The following CDCA5 variants were observed in gnomAD, a reference collection of about 807,000 sequenced individuals.
The protein encoded by CDCA5 is sororin.
In CDCA5, 14 loss-of-function variants were observed where a neutral mutation model predicts 25.7. The ratio of observed to expected loss-of-function variants is 0.54; its 90% CI spans 0.36 to 0.85. The LOEUF (loss-of-function observed/expected upper bound fraction) is 0.85. Ranked by LOEUF, CDCA5 falls within the 40% of genes least tolerant of loss-of-function variation. The pLI is 0.01. For synonymous variants in CDCA5, 127 were observed against 128.7 expected, an observed-to-expected ratio of 0.99 and a Z score of 0.09; for missense variants, 307 against 324.5, an observed-to-expected ratio of 0.95 and a Z score of 0.41.
downstream of CDCA5, among the ~76,000 whole-genome samples, chr11:65,073,727 G>A (rs995174136): frequency 6.6e-6 from 1 of 152,214 alleles, no homozygotes; most frequent in African/African-American, 2.4e-5. Flanking sequence ...GCAAAAAGGA[G>A]TTTATTGGGA....
chr11:65,079,007 A>G lies in CDCA5; in HGVS notation c.*100T>C. ...CGCAGCACCAGCACACACACAGGTA[A>G]CAAGACCAGGGGAGGGGACCCTAAG... On this transcript the variant is annotated 3_prime_UTR_variant, in exon 6 of 6. Transcript: ENST00000275517. 7.3e-7 allele frequency: 1 copy of G among 1,368,536 alleles called. No individual in the cohort carries two copies. The highest frequency in any genetic ancestry group is 9.4e-7 in the Non-Finnish European group (1 of 1,062,216). 84.8% of individuals were successfully genotyped at this position (1,368,536 alleles called of 1,614,324 possible).
At position 65,071,272 on chromosome 11, in the gene CDCA5, T is replaced by C. The variant is rs924681749; in HGVS notation, c.64-2671A>G. On this transcript the variant is annotated intron_variant, in intron 1 of 6. Coordinates refer to the CDCA5 transcript ENST00000525464. ...TTTGGATTTTCAACCCACATATGCA[T>C]ACCCCATATGTGGCATGGAACATAC... Among the ~76,000 whole-genome samples, 4 of 151,940 alleles carry C rather than the reference T, an allele frequency of 2.6e-5. No homozygotes were observed. In the East Asian group the frequency reaches 5.8e-4, roughly 22 times the overall value.
At chr11:65,072,995 G>A (rs1218069587), downstream of CDCA5, among the ~76,000 whole-genome samples, 1 of 143,104 alleles carries the variant, frequency 7.0e-6, no homozygotes, top group Non-Finnish European at 1.5e-5. Flanking sequence ...CCAGGCTGGA[G>A]TGAAGTGGCA....
rs1947527722 is a variant in CDCA5, at chr11:65,079,791, C to T, written c.244-4G>A. ...CTTTCTCCAAGAAAAAGGAAATCTG[C>T]ACCAGGACAGAAGAGGGGATGCCCT... On this transcript the variant is annotated splice_region_variant and splice_polypyrimidine_tract_variant and intron_variant, in intron 4 of 5. Coordinates refer to ENST00000275517, the MANE Select transcript of CDCA5 (RefSeq NM_080668.4). 2 of 1,464,056 alleles carry T rather than the reference C, an allele frequency of 1.4e-6. No homozygotes were observed. Among genetic ancestry groups the T allele is most frequent in the Non-Finnish European group, 1.8e-6 (2 of 1,106,136 alleles). The allele number at this position is 1,464,056 out of a possible 1,614,324, so 90.7% of individuals were successfully genotyped here. A position where few individuals can be genotyped will look rare whatever the true frequency, so the allele number is the denominator to read the frequency against.
chr11:65,073,815 C>G (rs1947387607), downstream of CDCA5, among the ~76,000 whole-genome samples: 1 of 152,212 alleles, frequency 6.6e-6, no homozygotes, highest in South Asian at 2.1e-4. Flanking sequence ...ACTGCCAGAA[C>G]TAGGACAGGG....
At chr11:65,070,136 G>A (rs1430679217) in intron 1 of CDCA5, among the ~76,000 whole-genome samples, 2 of 152,240 alleles carry the variant, frequency 1.3e-5, no homozygotes, top group South Asian at 2.1e-4. Flanking sequence ...CCAAGACAGG[G>A]CCTGGGCTGT....
At chr11:65,079,914 G>A (rs1358585073) in intron 4 of CDCA5, 127 bp from the exon 5 acceptor site, 14 of 640,872 alleles carry the variant, frequency 2.2e-5, no homozygotes, top group Admixed American at 3.8e-5. Flanking sequence ...TTTTTGAGAC[G>A]GAGTCTTGCT....
chr11:65,072,302 C>T (rs1397064481), intron 1 of CDCA5, among the ~76,000 whole-genome samples: 2 of 152,176 alleles, frequency 1.3e-5, no homozygotes, highest in African/African-American at 4.8e-5. Context: ...CTGGTCTAGG[C>T]CCATGTGTTG....
In CDCA5 at chr11:65,067,521, C is replaced by T. The variant is rs1193321402; in HGVS notation, c.368+134G>A. 2.4e-5 allele frequency: 10 copies of T among 415,610 alleles called. No homozygotes were observed. The Admixed American group carries it at 2.8e-4, about 12-fold the overall frequency. The allele number at this position is 415,610 out of a possible 1,614,324, so 25.7% of individuals were successfully genotyped here. On this transcript the variant is annotated intron_variant, in intron 4 of 6. Coordinates refer to the CDCA5 transcript ENST00000525464. ...CCCCAGACTGAACGCTCCTCAAGTT[C>T]TTGGACAATTAAAGGTGGGGGTTCC... is the stretch of plus-strand genomic sequence containing the variant.
chr11:65,071,259 A>G (rs957404621), intron 1 of CDCA5, among the ~76,000 whole-genome samples: 3 of 150,490 alleles, frequency 2.0e-5, no homozygotes, highest in Non-Finnish European at 4.4e-5. Context: ...TGGATTTTCA[A>G]CCCACATATG....
downstream of CDCA5, among the ~76,000 whole-genome samples, chr11:65,075,736 TTC>T (rs1947432108): frequency 6.6e-6 from 1 of 152,182 alleles, no homozygotes; most frequent in East Asian, 1.9e-4. Flanking sequence ...CAGTTCTAGA[TTC>T]TGATTTGTAG....
Position 65,084,028 on chromosome 11 carries a change from G to A in CDCA5, c.-50C>T. 2 of 1,578,802 alleles carry A rather than the reference G, an allele frequency of 1.3e-6. No individual in the cohort carries two copies. The highest frequency in any genetic ancestry group is 8.6e-7 in the Non-Finnish European group (1 of 1,163,846). ...TCCAGCGCCGCCGCCCCGGGCGCGC[G>A]CCAACCGGGAAGGCCACTCGCTGCA... is the stretch of plus-strand genomic sequence containing the variant. On this transcript the variant is annotated 5_prime_UTR_variant, in exon 1 of 6. Coordinates refer to ENST00000275517, the MANE Select transcript of CDCA5 (RefSeq NM_080668.4).
intron 1 of CDCA5, 69 bp from the exon 2 acceptor site, chr11:65,083,792 G>C (rs1248745639): frequency 1.3e-6 from 2 of 1,576,640 alleles, no homozygotes; most frequent in Admixed American, 1.7e-5. Context: ...ACAGGTTCTA[G>C]AGACAGCGAG....
At chr11:65,062,070 G>A (rs992188044), downstream of CDCA5, among the ~76,000 whole-genome samples, 8 of 151,832 alleles carry the variant, frequency 5.3e-5, no homozygotes, top group African/African-American at 1.2e-4. Flanking sequence ...ACAGGCATGC[G>A]CCACCATGCC....
chr11:65,069,813 G>C (rs570022933), intron 1 of CDCA5, among the ~76,000 whole-genome samples: 1 of 152,246 alleles, frequency 6.6e-6, no homozygotes, highest in Non-Finnish European at 1.5e-5. Context: ...TCACTCATGC[G>C]CTTACTGGTC....
chr11:65,066,493 G>A (rs759015624), intron 6 of CDCA5: 394 of 1,289,060 alleles, frequency 3.1e-4, no homozygotes, highest in Non-Finnish European at 3.9e-4. Context: ...GAGACAGCTC[G>A]AGTGAGCAGC....
chr11:65,078,624 T>G lies in CDCA5; in HGVS notation c.*483A>C. On this transcript the variant is annotated 3_prime_UTR_variant, in exon 6 of 6. Transcript: ENST00000275517. ...GAATCAAAGGGGAAACCCACGGAAC[T>G]GAAAACCTCTTTACACAGGTGGGTT... The G allele has an allele frequency of 2.0e-6, 2 of 987,982 alleles. No individual in the cohort carries two copies. The highest frequency in any genetic ancestry group is 2.4e-6 in the Non-Finnish European group (2 of 831,782). 61.2% of individuals were successfully genotyped at this position (987,982 alleles called of 1,614,324 possible).
intron 1 of CDCA5, among the ~76,000 whole-genome samples, chr11:65,069,235 C>CAAA (rs538955897): frequency 0.045 from 3,770 of 84,544 alleles, 201 homozygotes; most frequent in African/African-American, 0.078. Context: ...GCGAGACTCT[C>CAAA]AAAAAAAAAA....
chr11:65,079,976 C>G (rs550489670), intron 4 of CDCA5, among the ~76,000 whole-genome samples, 189 bp from the exon 5 acceptor site: 5 of 151,378 alleles, frequency 3.3e-5, no homozygotes, highest in Admixed American at 3.3e-4. Context: ...CTGCAAGCTC[C>G]GCCTCCCGGG....
Sources: gnomAD v4.1 joint callset for allele counts (sites outside exome capture counted in the v4.1 genomes callset) on GRCh38, gnomAD v4.1.1 for gene constraint, MANE v1.5 for transcripts, NCBI Gene and HGNC (gene_info 2026-07-23, HGNC 2026-07-21) for gene names.